The following SENP7 variants were observed in gnomAD, a reference collection of about 807,000 sequenced individuals.
SENP7 encodes the protein SUMO specific peptidase 7, also known as sentrin-specific protease 7.
Under a neutral mutation model 141.2 loss-of-function variants are expected in SENP7, and 64 were observed. The observed-to-expected ratio is 0.45, with a 90% CI of 0.37 to 0.56. SENP7 has a LOEUF of 0.56. Ranked by LOEUF, SENP7 falls within the 20% of genes least tolerant of loss-of-function variation. The pLI, the probability that SENP7 is intolerant of heterozygous loss-of-function variation, is 0.00. For missense variants in SENP7, 1,025 were observed against 1,212.2 expected, an observed-to-expected ratio of 0.85 and a Z score of 2.29; for synonymous variants, 382 against 426.4, an observed-to-expected ratio of 0.90 and a Z score of 1.28.
At chr3:101,340,668 T>G (rs1420755297) in intron 15 of SENP7, among the ~76,000 whole-genome samples, 1 of 152,194 alleles carries the variant, frequency 6.6e-6, no homozygotes, top group African/African-American at 2.4e-5. Flanking sequence ...CTGCTCCTGG[T>G]GGCTAATCTA....
intron 3 of SENP7, among the ~76,000 whole-genome samples, chr3:101,470,038 G>A (rs1417870362): frequency 6.6e-6 from 1 of 152,032 alleles, no homozygotes; most frequent in East Asian, 1.9e-4. Flanking sequence ...TGAGAACAAA[G>A]ACACAACATA....
At chr3:101,410,659 C>A (rs1393821137) in intron 5 of SENP7, among the ~76,000 whole-genome samples, 1 of 151,880 alleles carries the variant, frequency 6.6e-6, no homozygotes, top group African/African-American at 2.4e-5. Context: ...CCAGCTTAGC[C>A]AACATGGCAA....
At chr3:101,343,192 T>A (rs1362768795) in intron 14 of SENP7, among the ~76,000 whole-genome samples, 1 of 152,216 alleles carries the variant, frequency 6.6e-6, no homozygotes, top group South Asian at 2.1e-4. Flanking sequence ...GTTTCTCCAC[T>A]GCAAAGTTAC....
chr3:101,375,482 C>T (rs1365530882), intron 6 of SENP7, among the ~76,000 whole-genome samples: 1 of 126,644 alleles, frequency 7.9e-6, no homozygotes, highest in Admixed American at 1.0e-4. Flanking sequence ...GCGGAGATTG[C>T]GGTGAGCCAA....
intron 6 of SENP7, among the ~76,000 whole-genome samples, chr3:101,379,029 A>T (rs929703757): frequency 6.6e-6 from 1 of 152,200 alleles, no homozygotes; most frequent in African/African-American, 2.4e-5. Context: ...CTAGTATAAA[A>T]ACAGACACAT....
chr3:101,350,852 T>C (rs1395844504), intron 12 of SENP7, among the ~76,000 whole-genome samples: 2 of 152,016 alleles, frequency 1.3e-5, no homozygotes, highest in Non-Finnish European at 2.9e-5. Context: ...TTCTGTGCCC[T>C]TTATATTCTT....
At chr3:101,506,173 A>G (rs2065602018) in intron 1 of SENP7, among the ~76,000 whole-genome samples, 1 of 152,148 alleles carries the variant, frequency 6.6e-6, no homozygotes, top group African/African-American at 2.4e-5. Flanking sequence ...GGCAGGAAGC[A>G]CCATGCCTGG....
At chr3:101,335,322 C>CAA (rs2059155839) in intron 17 of SENP7, among the ~76,000 whole-genome samples, 1 of 152,172 alleles carries the variant, frequency 6.6e-6, no homozygotes, top group South Asian at 2.1e-4. Flanking sequence ...CTTCTCAACA[C>CAA]TAGTAGTTAG....
At chr3:101,477,870 G>T (rs1201075013) in intron 3 of SENP7, among the ~76,000 whole-genome samples, 7 of 148,972 alleles carry the variant, frequency 4.7e-5, no homozygotes, top group Non-Finnish European at 8.9e-5. Context: ...AAAGTTAGTA[G>T]AGAAAAAAAA....
intron 3 of SENP7, among the ~76,000 whole-genome samples, chr3:101,479,548 G>C (rs1237518535): frequency 6.6e-6 from 1 of 151,288 alleles, no homozygotes; most frequent in Non-Finnish European, 1.5e-5. Context: ...AAGATGCAGT[G>C]AACTTGCAGA....
chr3:101,334,574 T>C (rs2059136724), intron 17 of SENP7, among the ~76,000 whole-genome samples: 1 of 152,186 alleles, frequency 6.6e-6, no homozygotes, highest in Admixed American at 6.5e-5. Context: ...CTAAAAGATT[T>C]GACAGCAATT....
Position 101,501,294 on chromosome 3 carries a change from CAT to C in SENP7, c.41-177_41-176del, listed in dbSNP as rs1576542246. On this transcript the variant is annotated intron_variant, in intron 1 of 23. Transcript: ENST00000394095. ...AAACATAAAAGTCAAAAAATAACTA[CAT>C]GTGTCAGAAGAATAGCAGATTCTCA... 2.6e-5 allele frequency among the ~76,000 whole-genome samples: 4 copies of C among 151,586 alleles called. No individual in the cohort carries two copies. In the South Asian group the frequency reaches 8.3e-4, roughly 31 times the overall value.
rs550865483 is a variant in SENP7 at position 101,363,719 on chromosome 3, G to A, written c.1476+1115C>T. Among the ~76,000 whole-genome samples the A allele has an allele frequency of 7.9e-5, 12 of 152,212 alleles. No individual in the cohort carries two copies. The East Asian group carries it at 1.5e-3, about 20-fold the overall frequency. On this transcript the variant is annotated intron_variant, in intron 10 of 23. Transcript: ENST00000394095. ...ACAAAGCTGCTGAGGTGATTTCTAC[G>A]TGGAATACCAAATACAAAAGAAAAT...
At chr3:101,399,150 T>C in intron 5 of SENP7, 95 bp from the exon 6 acceptor site, 2 of 755,818 alleles carry the variant, frequency 2.6e-6, no homozygotes, top group Non-Finnish European at 3.9e-6. Context: ...ATTGCCATCT[T>C]AGCACAAGAA....
chr3:101,420,351 G>A (rs2061753533), intron 4 of SENP7, among the ~76,000 whole-genome samples: 1 of 148,692 alleles, frequency 6.7e-6, no homozygotes, highest in African/African-American at 2.5e-5. Context: ...CTGGGCGACA[G>A]AGCGAGACTC....
intron 6 of SENP7, among the ~76,000 whole-genome samples, chr3:101,394,516 A>AAT (rs1553713188): frequency 1.4e-5 from 2 of 138,424 alleles, no homozygotes; most frequent in Admixed American, 7.5e-5. Flanking sequence ...CTTTTTAAAA[A>AAT]TTTTTTTTTT....
intron 5 of SENP7, among the ~76,000 whole-genome samples, chr3:101,402,960 T>G (rs776634894): frequency 6.6e-6 from 1 of 152,188 alleles, no homozygotes; most frequent in African/African-American, 2.4e-5. Flanking sequence ...ACATTTCATA[T>G]AGCTACCACA....
At chr3:101,364,228 A>AAAGAAAGAAAGAAAGAAAG (rs2059976841) in intron 10 of SENP7, among the ~76,000 whole-genome samples, 1 of 148,662 alleles carries the variant, frequency 6.7e-6, no homozygotes, top group African/African-American at 2.5e-5. Context: ...CCTTGTCTCA[A>AAAGAAAGAAAGAAAGAAAG]AAAGAAAGAA....
chr3:101,449,176 G>A (rs1004134072), intron 4 of SENP7, among the ~76,000 whole-genome samples: 4 of 152,152 alleles, frequency 2.6e-5, no homozygotes, highest in Non-Finnish European at 4.4e-5. Flanking sequence ...AGAGAAAAAA[G>A]AATAAGAAGA....
Sources: gnomAD v4.1 joint callset for allele counts (sites outside exome capture counted in the v4.1 genomes callset) on GRCh38, gnomAD v4.1.1 for gene constraint, MANE v1.5 for transcripts, NCBI Gene and HGNC (gene_info 2026-07-23, HGNC 2026-07-21) for gene names.